The following NLRP3 variants were observed in gnomAD, a reference collection of about 807,000 sequenced individuals.
The protein encoded by NLRP3 is NACHT, LRR and PYD domains-containing protein 3.
NLRP3 carries 48 observed loss-of-function variants against 91.3 expected under a neutral mutation model. The observed-to-expected ratio is 0.53, with a 90% CI of 0.42 to 0.67. The LOEUF is 0.67. Among genes scored for constraint, NLRP3 ranks in the 30% least tolerant of loss-of-function variants. The pLI is 0.00. For missense variants in NLRP3, 982 were observed against 1,276.9 expected (o/e 0.77, Z 3.52); for synonymous variants, 561 against 507.9 (o/e 1.10, Z -1.41).
chr1:247,428,065 T>C (rs1272515221), intron 4 of NLRP3, among the ~76,000 whole-genome samples: 1 of 144,152 alleles, frequency 6.9e-6, no homozygotes, highest in African/African-American at 2.6e-5. Context: ...GAAGCCCCGG[T>C]AGGAGGCTCA....
chr1:247,423,445 G>C (rs912852407), intron 3 of NLRP3, 96 bp downstream of exon 3: 9 of 1,431,256 alleles, frequency 6.3e-6, no homozygotes, highest in Non-Finnish European at 8.8e-6. Context: ...CATACTATAG[G>C]TTCCTGCTCT....
At position 247,418,091 on chromosome 1, in the gene NLRP3, C is replaced by T. The variant is rs199723383; in HGVS notation, c.-710C>T. The T allele has an allele frequency of 3.6e-4, 55 of 152,634 alleles. No homozygotes were observed. The highest frequency in any genetic ancestry group is 7.0e-4 in the Non-Finnish European group (48 of 68,180). 9.5% of individuals were successfully genotyped at this position (152,634 alleles called of 1,614,324 possible). On this transcript the variant is annotated 5_prime_UTR_variant, in exon 2 of 10. Coordinates refer to ENST00000336119, the MANE Select transcript of NLRP3 (RefSeq NM_001243133.2). ...AGTTGAGGAATAGTGAAGAGTTTGT[C>T]CAATGTCATAGCCCCGTAATCAACG...
At chr1:247,440,864 C>T (rs1250769301) in intron 7 of NLRP3, among the ~76,000 whole-genome samples, 3 of 152,180 alleles carry the variant, frequency 2.0e-5, no homozygotes, top group African/African-American at 7.2e-5. Flanking sequence ...GTTACCCCCA[C>T]TTTCCCACTT....
At chr1:247,420,575 G>C (rs1218677761) in intron 2 of NLRP3, among the ~76,000 whole-genome samples, 1 of 152,036 alleles carries the variant, frequency 6.6e-6, no homozygotes, top group Non-Finnish European at 1.5e-5. Context: ...AAATTAGCCG[G>C]GTGTGGTGGT....
At chr1:247,440,075 A>C (rs540457245) in intron 7 of NLRP3, among the ~76,000 whole-genome samples, 7,423 of 126,432 alleles carry the variant, frequency 0.059, 283 homozygotes, top group Admixed American at 0.14. Flanking sequence ...GGTATAGCCT[A>C]TGGGTTAGGT....
At chr1:247,448,133 G>A (rs1387845503) in intron 9 of NLRP3, among the ~76,000 whole-genome samples, 1 of 151,896 alleles carries the variant, frequency 6.6e-6, no homozygotes, top group Non-Finnish European at 1.5e-5. Flanking sequence ...GAGGCTCCCA[G>A]TGACGAAGGA....
At chr1:247,436,212 G>A in intron 7 of NLRP3, 72 bp downstream of exon 7, 2 of 1,497,492 alleles carry the variant, frequency 1.3e-6, no homozygotes, top group Non-Finnish European at 1.8e-6. Flanking sequence ...AAATGTGGAT[G>A]GGGGTTACTT....
intron 2 of NLRP3, 128 bp from the exon 3 acceptor site, chr1:247,423,102 C>T (rs1662585016): frequency 1.5e-6 from 2 of 1,353,780 alleles, no homozygotes; most frequent in South Asian, 1.2e-5. Context: ...TCCTCTGCAA[C>T]TCAGAGCCAT....
intron 2 of NLRP3, 85 bp downstream of exon 2, chr1:247,419,162 A>ATTTT (rs1209804180): frequency 0.065 from 15,915 of 244,794 alleles, 106 homozygotes; most frequent in East Asian, 0.084. Context: ...ATATATATAT[A>ATTTT]TATTTTTTTT....
chr1:247,436,434 T>C (rs1312647988), intron 7 of NLRP3, among the ~76,000 whole-genome samples: 2 of 152,218 alleles, frequency 1.3e-5, no homozygotes, highest in African/African-American at 4.8e-5. Context: ...GACACTCACA[T>C]GAATAGTCAC....
rs1662796733 is a variant in NLRP3, at chr1:247,425,395, C to T, written c.1946C>T (p.Pro649Leu). 1.9e-6 allele frequency: 3 copies of T among 1,614,182 alleles called. No homozygotes were observed. The highest frequency in any genetic ancestry group is 2.2e-5 in the South Asian group (2 of 91,076). ...GTGCAAAGGGCCATGGACTATTTCCCCAAGATTGAGATCAATCTCTCCACC... is the reference window on the plus strand; with the variant it reads ...GTGCAAAGGGCCATGGACTATTTCCTCAAGATTGAGATCAATCTCTCCACC... ...DFVQRAMDYFPKIEINLSTRM... is the reference protein window; with the variant it reads ...DFVQRAMDYFLKIEINLSTRM... The change falls in exon 4 of 10, where the codon CCC becomes CTC. Residue 649 changes from proline (P) to leucine (L), a missense_variant. Physicochemically the swap from Pro to Leu is moderately conservative, Grantham distance 98. This residue lies in a region of NLRP3 where 373 missense variants were observed against 431.5 expected (regional missense o/e 0.86). Coordinates refer to ENST00000336119, the MANE Select transcript of NLRP3 (RefSeq NM_001243133.2). This position sits in a 1 kb window ranked among gnomAD's most constrained non-coding sequence, Gnocchi z 4.1.
chr1:247,426,393 T>C (rs914159778), intron 4 of NLRP3, among the ~76,000 whole-genome samples: 6 of 152,128 alleles, frequency 3.9e-5, no homozygotes, highest in African/African-American at 1.4e-4. Flanking sequence ...GAGTCCCTTT[T>C]GGGTTTATCG....
At chr1:247,419,945 T>A (rs570163972) in intron 2 of NLRP3, among the ~76,000 whole-genome samples, 1 of 152,350 alleles carries the variant, frequency 6.6e-6, no homozygotes, top group East Asian at 1.9e-4. Context: ...GAAGTGAAAT[T>A]TCTGAATCAT....
chr1:247,439,420 T>G (rs1011894516), intron 7 of NLRP3, among the ~76,000 whole-genome samples: 3 of 152,208 alleles, frequency 2.0e-5, no homozygotes, highest in Non-Finnish European at 4.4e-5. Context: ...GTCATCTTGC[T>G]GACACATTTT....
chr1:247,417,575 G>C (rs1057446378), intron 1 of NLRP3, among the ~76,000 whole-genome samples: 1 of 152,072 alleles, frequency 6.6e-6, no homozygotes. Context: ...TCCGCCTCCT[G>C]GGTTCAAGCG....
At chr1:247,431,612 A>C (rs1433346848) in intron 5 of NLRP3, among the ~76,000 whole-genome samples, 1 of 152,132 alleles carries the variant, frequency 6.6e-6, no homozygotes, top group Non-Finnish European at 1.5e-5. Flanking sequence ...CTGGACAGAC[A>C]TCTTAGTACC....
In NLRP3 at chr1:247,444,717, G is replaced by C. The variant is rs1664478663; in HGVS notation, c.2901G>C (p.Gln967His). The C allele has an allele frequency of 6.2e-7, 1 of 1,614,030 alleles. No individual in the cohort carries two copies. Among genetic ancestry groups the C allele is most frequent in the Non-Finnish European group, 8.5e-7 (1 of 1,180,028 alleles). The change falls in exon 9 of 10, where the codon CAG becomes CAC. Residue 967 changes from glutamine (Q) to histidine (H), a missense_variant. Physicochemically the swap from Gln to His is conservative, Grantham distance 24. Transcript: ENST00000336119. ...WDLSTLLTSS[Q>H]SLRKLSLGNN... ...TTTCCACACTTCTGACCTCCAGCCA[G>C]AGCCTGCGAAAGCTGAGCCTGGGCA...
intron 2 of NLRP3, 126 bp from the exon 3 acceptor site, chr1:247,423,104 C>G (rs1362923663): frequency 2.9e-6 from 4 of 1,366,828 alleles, no homozygotes; most frequent in Non-Finnish European, 4.1e-6. Context: ...CTCTGCAACT[C>G]AGAGCCATGT....
At chr1:247,437,012 A>C (rs1663839442) in intron 7 of NLRP3, among the ~76,000 whole-genome samples, 1 of 152,210 alleles carries the variant, frequency 6.6e-6, no homozygotes, top group African/African-American at 2.4e-5. Context: ...TTGTCCAAGG[A>C]CACTCAGAGA....
Sources: gnomAD v4.1 joint callset for allele counts (sites outside exome capture counted in the v4.1 genomes callset) on GRCh38, gnomAD v4.1.1 for gene constraint, gnomAD v4.1.1 regional missense constraint, Gnocchi (gnomAD v3.1) non-coding constraint, MANE v1.5 for transcripts, NCBI Gene and HGNC (gene_info 2026-07-23, HGNC 2026-07-21) for gene names.